Variants in NRXN1 observed in about 807,000 individuals in gnomAD.
NRXN1 encodes the protein neurexin 1.
A neutral mutation model predicts 150.9 loss-of-function variants in NRXN1; 39 were observed. That is an observed-to-expected ratio of 0.26 (90% CI 0.20 to 0.34). NRXN1 has a LOEUF of 0.34. NRXN1 is among the 10% of genes least tolerant of loss of function. The pLI is 1.00. For synonymous variants in NRXN1, 924 were observed against 757.0 expected (o/e 1.22, Z -3.62); for missense variants, 1,815 against 1,949.9 (o/e 0.93, Z 1.30).
intron 15 of NRXN1, among the ~76,000 whole-genome samples, chr2:50,477,371 T>C (rs1367247373): frequency 6.6e-6 from 1 of 152,162 alleles, no homozygotes; most frequent in Non-Finnish European, 1.5e-5. Flanking sequence ...TTTAACGTCA[T>C]GTATGTGGAA....
At chr2:50,768,166 C>G (rs539654793) in intron 5 of NRXN1, among the ~76,000 whole-genome samples, 2 of 152,148 alleles carry the variant, frequency 1.3e-5, no homozygotes, top group South Asian at 2.1e-4. Context: ...ATGGCTGATA[C>G]CAAGGAAGAA....
chr2:50,895,719 T>G (rs1030456629), intron 5 of NRXN1, among the ~76,000 whole-genome samples: 1 of 151,918 alleles, frequency 6.6e-6, no homozygotes, highest in African/African-American at 2.4e-5. Flanking sequence ...TAGCTGGGAT[T>G]ACAGGAGTGC....
intron 15 of NRXN1, among the ~76,000 whole-genome samples, chr2:50,474,088 T>C (rs1294786238): frequency 2.0e-5 from 3 of 152,008 alleles, no homozygotes; most frequent in Admixed American, 2.0e-4. Flanking sequence ...ACCATCATTC[T>C]TAATATTAAA....
chr2:50,729,636 C>A, intron 5 of NRXN1, among the ~76,000 whole-genome samples: 1 of 152,322 alleles, frequency 6.6e-6, no homozygotes, highest in African/African-American at 2.4e-5. Flanking sequence ...ATGATTTGCT[C>A]CACCTGTCTT....
At chr2:50,330,783 A>T (rs1243556395) in intron 17 of NRXN1, among the ~76,000 whole-genome samples, 2 of 152,192 alleles carry the variant, frequency 1.3e-5, no homozygotes, top group African/African-American at 4.8e-5. Flanking sequence ...CTTCTTCACA[A>T]CGTTATCACT....
chr2:50,461,682 G>C (rs1391968990), intron 17 of NRXN1, among the ~76,000 whole-genome samples: 1 of 151,914 alleles, frequency 6.6e-6, no homozygotes, highest in African/African-American at 2.4e-5. Flanking sequence ...ACATCCAAGA[G>C]AAATTTCATA....
intron 18 of NRXN1, among the ~76,000 whole-genome samples, chr2:50,115,201 C>A (rs28621482): frequency 1.6e-5 from 2 of 127,214 alleles, no homozygotes; most frequent in African/African-American, 2.9e-5. Flanking sequence ...TACAAAAAAA[C>A]ATATATATGT....
chr2:50,988,070 G>C (rs1377098212), intron 2 of NRXN1, among the ~76,000 whole-genome samples: 1 of 151,960 alleles, frequency 6.6e-6, no homozygotes, highest in East Asian at 1.9e-4. Flanking sequence ...AGGGAACTGG[G>C]ATAGTTCTGA....
At chr2:50,621,961 A>T (rs1680100151) in intron 6 of NRXN1, among the ~76,000 whole-genome samples, 1 of 152,154 alleles carries the variant, frequency 6.6e-6, no homozygotes, top group Admixed American at 6.6e-5. Context: ...AGCAAAGGCA[A>T]ATCTAGAAAG....
intron 17 of NRXN1, among the ~76,000 whole-genome samples, chr2:50,238,905 G>A (rs1199577626): frequency 1.3e-5 from 2 of 151,936 alleles, no homozygotes; most frequent in Non-Finnish European, 2.9e-5. Flanking sequence ...AAGCTATAGA[G>A]GCTGTACCCT....
intron 18 of NRXN1, among the ~76,000 whole-genome samples, chr2:50,220,224 A>G (rs1327255002): frequency 6.6e-6 from 1 of 151,082 alleles, no homozygotes; most frequent in African/African-American, 2.4e-5. Flanking sequence ...TTTTCACTAT[A>G]CTGTGATGGA....
intron 2 of NRXN1, among the ~76,000 whole-genome samples, chr2:50,948,626 A>T (rs1193659383): frequency 1.3e-5 from 2 of 152,040 alleles, no homozygotes; most frequent in Non-Finnish European, 2.9e-5. Context: ...CAGCTAATAC[A>T]TACTGCCCCA....
intron 5 of NRXN1, 123 bp from the exon 6 acceptor site, chr2:50,623,738 G>A: frequency 5.9e-6 from 4 of 681,284 alleles, no homozygotes; most frequent in Non-Finnish European, 9.8e-6. Flanking sequence ...TTCATGACAT[G>A]AACTCTGTCT....
At chr2:49,951,357 T>C (rs980529504) in intron 21 of NRXN1, among the ~76,000 whole-genome samples, 1 of 152,010 alleles carries the variant, frequency 6.6e-6, no homozygotes, top group Non-Finnish European at 1.5e-5. Flanking sequence ...TTATTATTTC[T>C]TTATGCTACT....
chr2:50,295,663 C>A (rs1416373503), intron 17 of NRXN1, among the ~76,000 whole-genome samples: 1 of 152,172 alleles, frequency 6.6e-6, no homozygotes, highest in Non-Finnish European at 1.5e-5. Context: ...TTACCAGATT[C>A]TGAACCAGTC....
At chr2:50,980,435 T>C (rs1470005365) in intron 2 of NRXN1, among the ~76,000 whole-genome samples, 2 of 152,168 alleles carry the variant, frequency 1.3e-5, no homozygotes, top group African/African-American at 4.8e-5. Flanking sequence ...TGACAGCTTT[T>C]GGCTTAGAAA....
chr2:50,920,614 A>G (rs1055470813), intron 5 of NRXN1, among the ~76,000 whole-genome samples: 1 of 151,770 alleles, frequency 6.6e-6, no homozygotes, highest in Non-Finnish European at 1.5e-5. Context: ...AAAGAACATG[A>G]TGAGAAATGC....
chr2:50,858,669 C>G (rs1470995706), intron 5 of NRXN1, among the ~76,000 whole-genome samples: 1 of 152,066 alleles, frequency 6.6e-6, no homozygotes, highest in African/African-American at 2.4e-5. Context: ...ATGCAGACTA[C>G]TTTAAACATC....
At chr2:50,648,003 C>T (rs1214863765) in intron 5 of NRXN1, among the ~76,000 whole-genome samples, 1 of 151,766 alleles carries the variant, frequency 6.6e-6, no homozygotes, top group Non-Finnish European at 1.5e-5. Flanking sequence ...TTCCTTTAAA[C>T]CTTTGTGTAC....
Sources: gnomAD v4.1 joint callset for allele counts (sites outside exome capture counted in the v4.1 genomes callset) on GRCh38, gnomAD v4.1.1 for gene constraint, MANE v1.5 for transcripts, NCBI Gene and HGNC (gene_info 2026-07-23, HGNC 2026-07-21) for gene names.